Variants in RARB observed in about 807,000 individuals in gnomAD.
RARB encodes retinoic acid receptor beta.
Under a neutral mutation model 51.9 loss-of-function variants are expected in RARB, and 17 were observed. The ratio of observed to expected loss-of-function variants is 0.33; its 90% CI spans 0.22 to 0.49. RARB has a LOEUF of 0.49. RARB is among the 20% of genes least tolerant of loss of function. The pLI, the probability that RARB is intolerant of heterozygous loss-of-function variation, is 0.99. For missense variants in RARB, 369 were observed against 550.8 expected (o/e 0.67, Z 3.30); for synonymous variants, 215 against 195.4 (o/e 1.10, Z -0.84).
rs559135603 is a variant in RARB at position 25,516,631 on chromosome 3, C to CTTTTTTTTTTTTTT, written c.448+15321_448+15322insTTTTTTTTTTTTTT. Among the ~76,000 whole-genome samples, 143 of 131,676 alleles carry CTTTTTTTTTTTTTT rather than the reference C, an allele frequency of 1.1e-3. 8 individuals carry two copies. The highest frequency in any genetic ancestry group is 4.2e-3 in the African/African-American group (127 of 30,448). The allele number at this position is 131,676 out of a possible 152,430, so 86.4% of individuals were successfully genotyped here. On this transcript the variant is annotated intron_variant, in intron 3 of 7. Coordinates refer to ENST00000330688, the MANE Select transcript of RARB (RefSeq NM_000965.5). ...CAAAGGTTCATCTTTATTTCCTTGT[C>CTTTTTTTTTTTTTT]TTTTTTTTTTTTTGAGACAGGGTCA...
At chr3:25,457,583 C>G (rs1262676619) in intron 1 of RARB, among the ~76,000 whole-genome samples, 1 of 152,162 alleles carries the variant, frequency 6.6e-6, no homozygotes, top group Admixed American at 6.5e-5. Context: ...TTGTAAAATG[C>G]TTTGGGATCT....
intron 5 of RARB, among the ~76,000 whole-genome samples, chr3:25,378,837 A>G (rs937300624): frequency 2.0e-5 from 3 of 152,208 alleles, no homozygotes; most frequent in Non-Finnish European, 4.4e-5. Flanking sequence ...GTAGTATTTC[A>G]GTATTTCATA....
At chr3:25,308,397 T>C (rs1025026654) in intron 5 of RARB, among the ~76,000 whole-genome samples, 2 of 151,906 alleles carry the variant, frequency 1.3e-5, no homozygotes. Flanking sequence ...CAGTAATCAC[T>C]CAGATATTAA....
intron 3 of RARB, among the ~76,000 whole-genome samples, chr3:25,060,707 T>C (rs1350359178): frequency 1.3e-5 from 2 of 151,892 alleles, no homozygotes; most frequent in Non-Finnish European, 1.5e-5. Context: ...ACATAAAGTT[T>C]ATCATGGGAG....
chr3:24,849,622 C>T (rs1252678148), intron 1 of RARB, among the ~76,000 whole-genome samples: 1 of 152,250 alleles, frequency 6.6e-6, no homozygotes, highest in Non-Finnish European at 1.5e-5. Context: ...CTGTAACTCA[C>T]ACCTGAGAGA....
intron 2 of RARB, among the ~76,000 whole-genome samples, chr3:24,960,774 T>C (rs999870300): frequency 1.4e-5 from 2 of 145,774 alleles, no homozygotes; most frequent in Non-Finnish European, 3.0e-5. Context: ...TTTTTTTTTT[T>C]AACTTTGGTG....
chr3:24,916,192 C>T (rs138266313), intron 2 of RARB, among the ~76,000 whole-genome samples: 5 of 152,134 alleles, frequency 3.3e-5, no homozygotes, highest in African/African-American at 1.2e-4. Flanking sequence ...ACAGTGAAAG[C>T]TAGAGCCCTC....
chr3:25,319,818 A>G (rs1704518985), intron 5 of RARB, among the ~76,000 whole-genome samples: 1 of 152,202 alleles, frequency 6.6e-6, no homozygotes, highest in Non-Finnish European at 1.5e-5. Flanking sequence ...AGTTGCAGAC[A>G]GACATTTATT....
At chr3:25,157,339 AGTGTGTGTGTTT>A (rs1292540486) in intron 4 of RARB, among the ~76,000 whole-genome samples, 6 of 105,500 alleles carry the variant, frequency 5.7e-5, no homozygotes, top group African/African-American at 2.4e-4. Flanking sequence ...CACAGTTCTG[AGTGTGTGTGTTT>A]GTGTGTGTGT....
chr3:24,855,877 G>A (rs1324041442), intron 1 of RARB, among the ~76,000 whole-genome samples: 1 of 149,640 alleles, frequency 6.7e-6, no homozygotes, highest in South Asian at 2.1e-4. Flanking sequence ...TCAGCCTCCC[G>A]AGTAGCTGGG....
chr3:25,277,661 TATG>T (rs1703426965), intron 5 of RARB, among the ~76,000 whole-genome samples: 1 of 152,228 alleles, frequency 6.6e-6, no homozygotes. Flanking sequence ...ATGTTTAGAT[TATG>T]ATAACAGATG....
At chr3:25,494,277 A>ACACACACACACACACACACACACG (rs1360036900) in intron 2 of RARB, among the ~76,000 whole-genome samples, 17 of 135,684 alleles carry the variant, frequency 1.3e-4, no homozygotes, top group African/African-American at 4.4e-4. Flanking sequence ...ACACACACAC[A>ACACACACACACACACACACACACG]CATGCCATCA....
chr3:25,567,827 G>A (rs1700560539), intron 3 of RARB, among the ~76,000 whole-genome samples: 1 of 152,124 alleles, frequency 6.6e-6, no homozygotes, highest in African/African-American at 2.4e-5. Context: ...AAAGAGGGGG[G>A]TCTGATCACC....
intron 5 of RARB, among the ~76,000 whole-genome samples, chr3:25,354,348 G>T (rs1705666798): frequency 6.6e-6 from 1 of 152,070 alleles, no homozygotes; most frequent in Admixed American, 6.6e-5. Flanking sequence ...GCTAAATCAG[G>T]TTATGATTGT....
chr3:25,529,063 C>A (rs1299018), intron 3 of RARB, among the ~76,000 whole-genome samples: 1 of 151,452 alleles, frequency 6.6e-6, no homozygotes, highest in Non-Finnish European at 1.5e-5. Flanking sequence ...AGAGCTCAAA[C>A]GTGACAATGA....
In RARB at chr3:25,538,799, A is replaced by T. The variant is rs1472347718; in HGVS notation, c.449-30959A>T. On this transcript the variant is annotated intron_variant, in intron 3 of 7. Coordinates refer to ENST00000330688, the MANE Select transcript of RARB (RefSeq NM_000965.5). Reference sequence around the variant, plus strand: ...TTCATTTGGTGCAACACCGAATGAGATGCTGTACAACAGGTTTTGTGAAGG... The same window carrying T: ...TTCATTTGGTGCAACACCGAATGAGTTGCTGTACAACAGGTTTTGTGAAGG... Among the ~76,000 whole-genome samples, 3 of 152,368 alleles carry T rather than the reference A, an allele frequency of 2.0e-5. 1 individual carries two copies. The highest frequency in any genetic ancestry group is 7.2e-5 in the African/African-American group (3 of 41,590).
In RARB at chr3:25,308,561, G is replaced by A. The variant is rs146931064; in HGVS notation, c.178+133986G>A. ...CCTCCCAGGTTCAAGCGATTCTCGT[G>A]CCTCAGCCTCCAGAGTAGCTGGGAT... On this transcript the variant is annotated intron_variant, in intron 5 of 11. Transcript: ENST00000383772. 2.5e-3 allele frequency among the ~76,000 whole-genome samples: 375 copies of A among 151,086 alleles called. 1 individual carries two copies. The highest frequency in any genetic ancestry group is 8.5e-3 in the African/African-American group (351 of 41,086).
chr3:25,048,752 CTTTTTT>C (rs34598308), intron 2 of RARB, among the ~76,000 whole-genome samples: 1 of 108,408 alleles, frequency 9.2e-6, no homozygotes. Flanking sequence ...ATTAAGCCCA[CTTTTTT>C]TTTTTTTTTT....
At chr3:25,204,959 C>T (rs1476826872) in intron 5 of RARB, among the ~76,000 whole-genome samples, 1 of 152,166 alleles carries the variant, frequency 6.6e-6, no homozygotes, top group Non-Finnish European at 1.5e-5. Flanking sequence ...AGCTGTCAGA[C>T]AGGGACATTT....
Sources: gnomAD v4.1 joint callset for allele counts (sites outside exome capture counted in the v4.1 genomes callset) on GRCh38, gnomAD v4.1.1 for gene constraint, MANE v1.5 for transcripts, NCBI Gene and HGNC (gene_info 2026-07-23, HGNC 2026-07-21) for gene names.